The following RPAP1 variants were observed in gnomAD, a reference collection of about 807,000 sequenced individuals.
The protein encoded by RPAP1 is RNA polymerase II associated protein 1.
RPAP1 carries 109 observed loss-of-function variants against 142.4 expected under a neutral mutation model. That is an observed-to-expected ratio of 0.77 (90% CI 0.66 to 0.90). The LOEUF (loss-of-function observed/expected upper bound fraction) is 0.90. Among genes scored for constraint, RPAP1 ranks in the 40% least tolerant of loss-of-function variants. The pLI is 0.00. For synonymous variants in RPAP1, 704 were observed against 738.9 expected (o/e 0.95, Z 0.77); for missense variants, 1,546 against 1,751.7 (o/e 0.88, Z 2.10).
chr15:41,531,842 T>C (rs1043885894), intron 6 of RPAP1, among the ~76,000 whole-genome samples: 2 of 150,386 alleles, frequency 1.3e-5, no homozygotes, highest in Non-Finnish European at 3.0e-5. Context: ...GGTTTTACCA[T>C]GTTGCTCAGG....
chr15:41,527,407 G>A lies in RPAP1; in HGVS notation c.1611+16C>T. ...GTCCCCTGGGCCATGGGATGGGAAA[G>A]AAGCTGTCCCTTTACCTTGATGACA... is the stretch of plus-strand genomic sequence containing the variant. On this transcript the variant is annotated intron_variant, in intron 12 of 24. Transcript: ENST00000304330. 1 of 1,613,872 alleles carries A rather than the reference G, an allele frequency of 6.2e-7. No homozygotes were observed. The highest frequency in any genetic ancestry group is 8.5e-7 in the Non-Finnish European group (1 of 1,179,870).
At chr15:41,536,305 T>A in intron 3 of RPAP1, 87 bp from the exon 4 acceptor site, 1 of 1,393,524 alleles carries the variant, frequency 7.2e-7, no homozygotes, top group Non-Finnish European at 1.0e-6. Flanking sequence ...TTCTGAACGA[T>A]GAGAACCTCA....
At position 41,543,201 on chromosome 15, in the gene RPAP1, C is replaced by CTTT. The variant is rs71104794; in HGVS notation, c.-77+1015_-77+1017dup. ...AATTAGGCAAATTATCAATGCTGTC[C>CTTT]TTTTTTTTTTTTTTTTTTTTTTTTT... On this transcript the variant is annotated intron_variant, in intron 1 of 24. Transcript: ENST00000304330. Among the ~76,000 whole-genome samples the CTTT allele has an allele frequency of 3.4e-3, 266 of 78,948 alleles. 7 individuals carry two copies. Among genetic ancestry groups the CTTT allele is most frequent in the East Asian group, 4.9e-3 (11 of 2,250 alleles). 51.8% of individuals were successfully genotyped at this position (78,948 alleles called of 152,430 possible). A position where few individuals can be genotyped will look rare whatever the true frequency, so the allele number is the denominator to read the frequency against.
At position 41,523,245 on chromosome 15, in the gene RPAP1, C is replaced by T. The variant is rs756942769; in HGVS notation, c.2546G>A (p.Arg849Lys). The stretch of plus-strand genomic sequence containing the variant: ...CCCAGCTACCAAACACAGTACATAC[C>T]TAAGGGAATCCCACAGGCTGCCCAG... ...PTLGSLWDSLRHCSLLCNPLS... is the reference protein window; with the variant it reads ...PTLGSLWDSLKHCSLLCNPLS... The change falls in exon 18 of 25, where the codon AGG becomes AAG. Residue 849 changes from arginine (R) to lysine (K), a missense_variant and splice_region_variant. This residue lies in a region of RPAP1 where 1,333 missense variants were observed against 1,486.6 expected (regional missense o/e 0.90). Coordinates refer to ENST00000304330, the MANE Select transcript of RPAP1 (RefSeq NM_015540.4). 2.5e-6 allele frequency: 4 copies of T among 1,587,534 alleles called. No individual in the cohort carries two copies. The highest frequency in any genetic ancestry group is 2.3e-5 in the South Asian group (2 of 88,020).
At chr15:41,525,578 T>G (rs1348814920) in intron 14 of RPAP1, among the ~76,000 whole-genome samples, 1 of 151,986 alleles carries the variant, frequency 6.6e-6, no homozygotes, top group Admixed American at 6.5e-5. Flanking sequence ...ACCTCGTGAT[T>G]CACCCACCTC....
intron 1 of RPAP1, among the ~76,000 whole-genome samples, chr15:41,543,147 G>A (rs1055795635): frequency 2.7e-5 from 4 of 150,626 alleles, no homozygotes; most frequent in Admixed American, 2.0e-4. Flanking sequence ...TACCAGTTCC[G>A]CTACTTACTA....
At chr15:41,539,765 C>T (rs902475797) in intron 1 of RPAP1, among the ~76,000 whole-genome samples, 2 of 151,952 alleles carry the variant, frequency 1.3e-5, no homozygotes, top group African/African-American at 2.4e-5. Context: ...TGGCCAGGCT[C>T]GGTGGCTCAC....
Position 41,520,280 on chromosome 15 carries a change from C to T in RPAP1, c.3795+111G>A, listed in dbSNP as rs770204486. ...ATTCTCTTAATCCCCTCAAAGCCCC[C>T]AAGAGGTAAGATGAGGAAGCTGAGG... On this transcript the variant is annotated intron_variant, in intron 22 of 24. Coordinates refer to ENST00000304330, the MANE Select transcript of RPAP1 (RefSeq NM_015540.4). The T allele has an allele frequency of 1.2e-5, 15 of 1,221,832 alleles. No homozygotes were observed. In the East Asian group the frequency reaches 1.5e-4, roughly 12 times the overall value. The allele number at this position is 1,221,832 out of a possible 1,614,324, so 75.7% of individuals were successfully genotyped here. A position where few individuals can be genotyped will look rare whatever the true frequency, so the allele number is the denominator to read the frequency against.
chr15:41,520,114 A>G (rs1411634122), intron 22 of RPAP1: 1 of 391,990 alleles, frequency 2.6e-6, no homozygotes. Flanking sequence ...TTGTATTTTT[A>G]GTAGAAATGG....
Position 41,534,839 on chromosome 15 carries a change from T to A in RPAP1, c.638A>T (p.Lys213Met). 6.2e-7 allele frequency: 1 copy of A among 1,614,152 alleles called. No individual in the cohort carries two copies. Among genetic ancestry groups the A allele is most frequent in the Non-Finnish European group, 8.5e-7 (1 of 1,180,012 alleles). The stretch of plus-strand genomic sequence containing the variant: ...CTCAGCTTCTTGATCCCTGAGCCCC[T>A]TCCCTGTGACCAGATTGGGTCCCTG... ...SFQGPNLVTG[K>M]GLRDQEAEQE... Residue 213 changes from lysine to methionine, a missense_variant, in exon 6 of 25, where the codon AAG becomes ATG. Physicochemically the swap from Lys to Met is moderately conservative, Grantham distance 95. Coordinates refer to ENST00000304330, the MANE Select transcript of RPAP1 (RefSeq NM_015540.4).
chr15:41,534,084 T>C (rs1274383625), intron 6 of RPAP1, among the ~76,000 whole-genome samples: 1 of 149,548 alleles, frequency 6.7e-6, no homozygotes, highest in Non-Finnish European at 1.5e-5. Flanking sequence ...GTCGCGCCAT[T>C]GCACTCTAAC....
At chr15:41,528,384 C>T (rs1379843926) in intron 9 of RPAP1, 48 bp from the exon 10 acceptor site, 2 of 1,288,812 alleles carry the variant, frequency 1.6e-6, no homozygotes, top group Non-Finnish European at 2.2e-6. Context: ...CAGCACAGTG[C>T]CCCCAAAACA....
intron 1 of RPAP1, 147 bp from the exon 2 acceptor site, chr15:41,537,348 C>T (rs888586976): frequency 3.6e-6 from 2 of 558,442 alleles, no homozygotes; most frequent in Non-Finnish European, 6.4e-6. Flanking sequence ...GTCTTCAGCC[C>T]TCCCTGATGT....
At chr15:41,519,318 C>T (rs903017273) in intron 22 of RPAP1, among the ~76,000 whole-genome samples, 2 of 152,190 alleles carry the variant, frequency 1.3e-5, no homozygotes, top group African/African-American at 2.4e-5. Context: ...AGCGATTCTC[C>T]TGCCTCAGCC....
At chr15:41,526,183 C>T (rs1214030057) in intron 14 of RPAP1, among the ~76,000 whole-genome samples, 1 of 152,184 alleles carries the variant, frequency 6.6e-6, no homozygotes, top group African/African-American at 2.4e-5. Flanking sequence ...CTCCTGACCT[C>T]AAGTGATCCA....
intron 7 of RPAP1, 67 bp downstream of exon 7, chr15:41,530,956 G>A: frequency 6.8e-7 from 1 of 1,466,158 alleles, no homozygotes; most frequent in African/African-American, 1.4e-5. Flanking sequence ...TCATTTGCCA[G>A]GCCTAGGAAA....
At chr15:41,536,834 T>C in intron 2 of RPAP1, 111 bp downstream of exon 2, 3 of 1,401,758 alleles carry the variant, frequency 2.1e-6, no homozygotes, top group Non-Finnish European at 2.9e-6. Flanking sequence ...ACACAGGCTA[T>C]GCAGTGTCTG....
At chr15:41,535,142 C>A (rs533152730) in intron 5 of RPAP1, among the ~76,000 whole-genome samples, 28 of 152,208 alleles carry the variant, frequency 1.8e-4, no homozygotes, top group Non-Finnish European at 3.7e-4. Flanking sequence ...AAAGGTTTTC[C>A]TCAGAAACAT....
At position 41,521,582 on chromosome 15, in the gene RPAP1, A is replaced by C. The variant is rs540045779; in HGVS notation, c.3038+156T>G. Among the ~76,000 whole-genome samples, 23 of 152,256 alleles carry C rather than the reference A, an allele frequency of 1.5e-4. No homozygotes were observed. The South Asian group carries it at 4.6e-3, about 30-fold the overall frequency. On this transcript the variant is annotated intron_variant, in intron 21 of 24. Transcript: ENST00000304330. ...CTTGGGTGTGGTTAGCCTGATCCTC[A>C]CTTCACTAATGAGGTAATGGAAGCT...
Sources: gnomAD v4.1 joint callset for allele counts (sites outside exome capture counted in the v4.1 genomes callset) on GRCh38, gnomAD v4.1.1 for gene constraint, gnomAD v4.1.1 regional missense constraint, MANE v1.5 for transcripts, NCBI Gene and HGNC (gene_info 2026-07-23, HGNC 2026-07-21) for gene names.